ABCC10: variants seen among roughly 807,000 people sequenced by gnomAD.
ABCC10 encodes the protein ATP-binding cassette sub-family C member 10.
Under a neutral mutation model 143.2 loss-of-function variants are expected in ABCC10, and 110 were observed. That is an observed-to-expected ratio of 0.77 (90% CI 0.66 to 0.90). The LOEUF (loss-of-function observed/expected upper bound fraction) is 0.90. ABCC10 is among the 40% of genes least tolerant of loss of function. The probability of loss-of-function intolerance (pLI) is 0.00; values close to 1 mark genes in which losing one functional copy is unlikely to be tolerated. For synonymous variants in ABCC10, 805 were observed against 846.7 expected (o/e 0.95, Z 0.85); for missense variants, 1,700 against 1,900.5 (o/e 0.89, Z 1.96).
At chr6:43,444,580 T>C (rs1782824651) in intron 12 of ABCC10, among the ~76,000 whole-genome samples, 1 of 152,134 alleles carries the variant, frequency 6.6e-6, no homozygotes, top group African/African-American at 2.4e-5. Flanking sequence ...AAGTCTGAGA[T>C]CCTGTTCTCC....
chr6:43,442,839 T>C (rs1782619322), intron 9 of ABCC10, 131 bp from the exon 10 acceptor site: 5 of 785,786 alleles, frequency 6.4e-6, no homozygotes, highest in Middle Eastern at 3.1e-4. Context: ...CACCCTCAGG[T>C]CTCACCTCCT....
chr6:43,432,523 A>G lies in ABCC10; in HGVS notation c.543A>G (p.Ala181=). ...RLCLLILQLA[A]LLAYALGWAA... is the part of the protein sequence containing the mutation. ...GCTTGCTCATCCTGCAGCTGGCTGC[A>G]CTCTTGGCCTATGCACTGGGATGGG... The change falls in exon 3 of 22, where the codon GCA becomes GCG. Residue 181 remains alanine, a synonymous_variant. Transcript: ENST00000372530. 1 of 1,612,418 alleles carries G rather than the reference A, an allele frequency of 6.2e-7. No individual in the cohort carries two copies. The highest frequency in any genetic ancestry group is 8.5e-7 in the Non-Finnish European group (1 of 1,180,006).
rs760809701 is a variant in ABCC10, at chr6:43,445,865, C to T, written c.3297C>T (p.Thr1099=). The change falls in exon 15 of 22, where the codon ACC becomes ACT. Residue 1099 remains threonine (T), a synonymous_variant. Coordinates refer to ENST00000372530, the MANE Select transcript of ABCC10 (RefSeq NM_001198934.2). Reference sequence around the variant, plus strand: ...AGCTGCGGCGCCTGGGCAGCCTCACCCTGTCTCCACTGTATAGCCATCTGG... The same window carrying T: ...AGCTGCGGCGCCTGGGCAGCCTCACTCTGTCTCCACTGTATAGCCATCTGG... ...SRELRRLGSL[T]LSPLYSHLAD... The T allele has an allele frequency of 1.2e-6, 2 of 1,614,130 alleles. No individual in the cohort carries two copies. Among genetic ancestry groups the T allele is most frequent in the Non-Finnish European group, 1.7e-6 (2 of 1,180,032 alleles).
At chr6:43,438,082 T>C (rs1320090698) in intron 7 of ABCC10, 69 bp downstream of exon 7, 2 of 1,511,378 alleles carry the variant, frequency 1.3e-6, no homozygotes, top group East Asian at 4.8e-5. Context: ...CTCTTATGTG[T>C]TGGACACCTT....
At chr6:43,441,996 T>TG (rs765336975) in intron 9 of ABCC10, 36 bp downstream of exon 9, 1 of 1,584,286 alleles carries the variant, frequency 6.3e-7, no homozygotes, top group Non-Finnish European at 8.7e-7. Flanking sequence ...GGCAGGGAGG[T>TG]GGGGGGAGTC....
At chr6:43,430,884 C>T (rs1399840112) in intron 2 of ABCC10, 1 of 151,928 alleles carries the variant, frequency 6.6e-6, no homozygotes, top group African/African-American at 2.4e-5. Flanking sequence ...CCACCATTCC[C>T]TGCTAATTTT....
In ABCC10 at chr6:43,434,650, G is replaced by A. The variant is rs1781491850; in HGVS notation, c.1410G>A (p.Arg470=). The change falls in exon 4 of 22, where the codon CGG becomes CGA. Residue 470 remains arginine (R), a synonymous_variant. Transcript: ENST00000372530. ...TGACAGAGCTGCTGAGTGGCATTCG[G>A]GTCATCAAGTTCTGCGGGTGGGAGC... is the stretch of plus-strand genomic sequence containing the variant. The part of the protein sequence containing the change: ...KLVTELLSGI[R]VIKFCGWEQA... The A allele has an allele frequency of 1.2e-6, 2 of 1,613,974 alleles. No individual in the cohort carries two copies. The highest frequency in any genetic ancestry group is 2.2e-5 in the South Asian group (2 of 91,084).
intron 8 of ABCC10, among the ~76,000 whole-genome samples, chr6:43,439,175 TATTAG>T (rs994638965): frequency 6.6e-6 from 1 of 152,156 alleles, no homozygotes; most frequent in Non-Finnish European, 1.5e-5. Flanking sequence ...CCTGCCAAGC[TATTAG>T]ATTTCCCCTT....
Position 43,444,778 on chromosome 6 carries a change from C to T in ABCC10, c.2690-10C>T. 2 of 1,579,496 alleles carry T rather than the reference C, an allele frequency of 1.3e-6. No individual in the cohort carries two copies. Among genetic ancestry groups the T allele is most frequent in the East Asian group, 4.5e-5 (2 of 44,588 alleles). Reference sequence around the variant, plus strand: ...CCTCTTACAGCTTTTTCCTTCCTGTCCCCACCCAGCCACGCGGAACGCTGC... The same window carrying T: ...CCTCTTACAGCTTTTTCCTTCCTGTTCCCACCCAGCCACGCGGAACGCTGC... On this transcript the variant is annotated splice_polypyrimidine_tract_variant and intron_variant, in intron 12 of 21. Coordinates refer to ENST00000372530, the MANE Select transcript of ABCC10 (RefSeq NM_001198934.2).
intron 8 of ABCC10, among the ~76,000 whole-genome samples, chr6:43,440,602 GC>G (rs913742990): frequency 3.3e-5 from 5 of 150,134 alleles, no homozygotes; most frequent in African/African-American, 1.2e-4. Context: ...GGTGGCTCAC[GC>G]CTGTAATCCC....
downstream of ABCC10, chr6:43,451,297 C>T (rs1783718112): frequency 6.2e-7 from 1 of 1,605,140 alleles, no homozygotes; most frequent in Admixed American, 1.7e-5. This position sits in a 1 kb window ranked among gnomAD's most constrained non-coding sequence, Gnocchi z 4.4. Context: ...TGAGAGAGGA[C>T]ATGATAACCA....
At chr6:43,447,986 G>A (rs1388939087) in intron 18 of ABCC10, 49 bp downstream of exon 18, 2 of 1,602,230 alleles carry the variant, frequency 1.2e-6, no homozygotes, top group African/African-American at 1.3e-5. Context: ...AGAACTACTG[G>A]CACTTAGAGG....
At chr6:43,438,151 A>G in intron 7 of ABCC10, 138 bp downstream of exon 7, 1 of 1,068,602 alleles carries the variant, frequency 9.4e-7, no homozygotes, top group Non-Finnish European at 1.4e-6. Context: ...GAGAGTTTTC[A>G]ATCTGGAAAG....
rs1047277921 is a variant in ABCC10, at chr6:43,432,139, C to T, written c.162-3C>T. 1.2e-6 allele frequency: 2 copies of T among 1,613,672 alleles called. No homozygotes were observed. The highest frequency in any genetic ancestry group is 3.3e-5 in the Admixed American group (2 of 59,980). On this transcript the variant is annotated splice_region_variant and splice_polypyrimidine_tract_variant and intron_variant, in intron 2 of 21. Transcript: ENST00000372530. ...GCCTCCTTGTCTTCCCCCTTGTCCC[C>T]AGGAGTCCAGATTACATCCTACCCT... is the stretch of plus-strand genomic sequence containing the variant.
rs970603396 is a variant in ABCC10 at position 43,443,511 on chromosome 6, G to C, written c.2416+352G>C. On this transcript the variant is annotated intron_variant, in intron 10 of 21. Coordinates refer to ENST00000372530, the MANE Select transcript of ABCC10 (RefSeq NM_001198934.2). The surrounding 1 kb of genome is among the most constrained non-coding windows in gnomAD (Gnocchi z 4.2). ...TTAAACTCTGAAAGATTTTTATGCA[G>C]AGGGATGTGACCACCTGCAAGTTTA... The C allele has an allele frequency of 3.5e-6, 1 of 284,094 alleles. No individual in the cohort carries two copies. Among genetic ancestry groups the C allele is most frequent in the African/African-American group, 2.2e-5 (1 of 46,144 alleles). 17.6% of individuals were successfully genotyped at this position (284,094 alleles called of 1,614,324 possible).
chr6:43,428,082 G>A lies in ABCC10; in HGVS notation c.104G>A (p.Ser35Asn), dbSNP rs774159506. Residue 35 changes from serine to asparagine, a missense_variant, in exon 2 of 22, where the codon AGC becomes AAC. Ser to Asn is a conservative substitution (Grantham distance 46). Coordinates refer to ENST00000372530, the MANE Select transcript of ABCC10 (RefSeq NM_001198934.2). ...CACTGCTTCACCCAGCTGGTGCTCA[G>A]CGCCCTGCCCCACGCGCTCCTCGCC... is the stretch of plus-strand genomic sequence containing the variant. ...TGHCFTQLVL[S>N]ALPHALLAVL... 24 of 1,568,070 alleles carry A rather than the reference G, an allele frequency of 1.5e-5. No homozygotes were observed. The highest frequency in any genetic ancestry group is 3.8e-5 in the Admixed American group (2 of 52,854).
intron 8 of ABCC10, 119 bp downstream of exon 8, chr6:43,438,914 G>C: frequency 8.0e-7 from 1 of 1,255,186 alleles, no homozygotes; most frequent in Non-Finnish European, 1.1e-6. Flanking sequence ...CACTTATCTA[G>C]GAATGGCCAT....
In ABCC10 at chr6:43,448,926, G is replaced by A; in HGVS notation, c.4005G>A (p.Gly1335=). The change falls in exon 19 of 22, where the codon GGG becomes GGA. Residue 1335 remains glycine, a synonymous_variant. Transcript: ENST00000372530. The stretch of plus-strand genomic sequence containing the variant: ...CCCAGGAGCCCTTTTTGTTCAGTGG[G>A]ACTGTTCGGGAAAACCTGGACCCCC... ...IIPQEPFLFS[G]TVRENLDPQG... The A allele has an allele frequency of 4.3e-6, 7 of 1,614,146 alleles. No individual in the cohort carries two copies. The highest frequency in any genetic ancestry group is 1.1e-5 in the South Asian group (1 of 91,078).
rs751602420 is a variant in ABCC10, at chr6:43,434,517, C to T, written c.1381-104C>T. 13 of 1,040,064 alleles carry T rather than the reference C, an allele frequency of 1.2e-5. No homozygotes were observed. The African/African-American group carries it at 1.6e-4, about 13-fold the overall frequency. The allele number at this position is 1,040,064 out of a possible 1,614,324, so 64.4% of individuals were successfully genotyped here. ...TAGGGCAGTGCAGAGTATCTGGGAG[C>T]TTAGAGTACTGAACATTCTGCCAGC... On this transcript the variant is annotated intron_variant, in intron 3 of 21. Transcript: ENST00000372530.
Sources: gnomAD v4.1 joint callset for allele counts (sites outside exome capture counted in the v4.1 genomes callset) on GRCh38, gnomAD v4.1.1 for gene constraint, Gnocchi (gnomAD v3.1) non-coding constraint, MANE v1.5 for transcripts, NCBI Gene and HGNC (gene_info 2026-07-23, HGNC 2026-07-21) for gene names.